RMDN2: variants seen among roughly 807,000 people sequenced by gnomAD.
The protein encoded by RMDN2 is regulator of microtubule dynamics 2, also known as regulator of microtubule dynamics protein 2.
In RMDN2, 61 loss-of-function variants were observed where a neutral mutation model predicts 52.8. The observed-to-expected ratio is 1.16, with a 90% CI of 0.94 to 1.43. The LOEUF (loss-of-function observed/expected upper bound fraction) is 1.43, where lower values mean the gene tolerates loss of function less well. Ranked by LOEUF, RMDN2 falls within the 40% of genes most tolerant of loss-of-function variation. The probability of loss-of-function intolerance (pLI) is 0.00; values close to 1 mark genes in which losing one functional copy is unlikely to be tolerated. For missense variants in RMDN2, 592 were observed against 475.3 expected (o/e 1.25, Z -2.28); for synonymous variants, 180 against 153.1 (o/e 1.18, Z -1.30).
intron 2 of RMDN2, among the ~76,000 whole-genome samples, chr2:37,949,413 C>T (rs1449840452): frequency 6.6e-6 from 1 of 152,110 alleles, no homozygotes; most frequent in Non-Finnish European, 1.5e-5. Flanking sequence ...GTCCTTGGGC[C>T]CTCTGCATTG....
At chr2:37,941,316 C>T (rs757716176) in intron 2 of RMDN2, among the ~76,000 whole-genome samples, 5 of 152,150 alleles carry the variant, frequency 3.3e-5, no homozygotes, top group African/African-American at 7.2e-5. Context: ...CTCTCCTGTG[C>T]GAGATGTCTG....
intron 2 of RMDN2, among the ~76,000 whole-genome samples, chr2:37,954,468 T>C (rs1440526766): frequency 2.0e-5 from 3 of 152,078 alleles, no homozygotes; most frequent in Admixed American, 1.3e-4. Context: ...CCTTTCTCCA[T>C]TGAATGGTCT....
At chr2:37,942,946 A>T (rs1417252615) in intron 2 of RMDN2, among the ~76,000 whole-genome samples, 1 of 152,240 alleles carries the variant, frequency 6.6e-6, no homozygotes, top group Admixed American at 6.5e-5. Flanking sequence ...ACGGCCAAGA[A>T]AAAAGCAATA....
intron 10 of RMDN2, among the ~76,000 whole-genome samples, chr2:38,016,701 T>C (rs1573118155): frequency 6.6e-6 from 1 of 152,152 alleles, no homozygotes; most frequent in Non-Finnish European, 1.5e-5. Flanking sequence ...TGCCATCTTT[T>C]AGATACCAGA....
intron 10 of RMDN2, among the ~76,000 whole-genome samples, chr2:38,041,748 A>T (rs974661917): frequency 2.6e-5 from 4 of 152,154 alleles, no homozygotes; most frequent in African/African-American, 9.7e-5. Flanking sequence ...GATAGATCAT[A>T]TTAATTAATT....
chr2:37,989,324 A>G (rs563045433), intron 5 of RMDN2, among the ~76,000 whole-genome samples: 173 of 152,268 alleles, frequency 1.1e-3, no homozygotes, highest in Non-Finnish European at 2.0e-3. Context: ...CTCACAGTAT[A>G]CATGTAAATA....
intron 2 of RMDN2, among the ~76,000 whole-genome samples, chr2:37,972,473 T>C (rs1671932701): frequency 6.6e-6 from 1 of 152,156 alleles, no homozygotes; most frequent in Non-Finnish European, 1.5e-5. Context: ...AGGAAAGTGA[T>C]AGAAGATAAG....
intron 2 of RMDN2, among the ~76,000 whole-genome samples, chr2:37,941,251 G>C (rs1459797926): frequency 7.2e-6 from 1 of 139,432 alleles, no homozygotes; most frequent in Non-Finnish European, 1.5e-5. Flanking sequence ...ATTGCTGGCT[G>C]CTCCTTCCTC....
chr2:37,925,557 T>G (rs961507893), intron 1 of RMDN2, 132 bp downstream of exon 1: 3 of 152,284 alleles, frequency 2.0e-5, no homozygotes, highest in African/African-American at 7.2e-5. Context: ...CTGGCGAAGC[T>G]TGAGCCTGCT....
In RMDN2 at chr2:38,011,237, A is replaced by G. The variant is rs79357957; in HGVS notation, c.1180-5949A>G. Among the ~76,000 whole-genome samples the G allele has an allele frequency of 1.7e-4, 26 of 152,324 alleles. No individual in the cohort carries two copies. In the East Asian group the frequency reaches 4.8e-3, roughly 28 times the overall value. The stretch of plus-strand genomic sequence containing the variant: ...AATAACATGTTCTTGGTTTTTGGAC[A>G]CTGGCCATTAATGAAAAATAAACTA... On this transcript the variant is annotated intron_variant, in intron 10 of 10. Transcript: ENST00000354545.
chr2:37,961,604 A>G (rs11677086), intron 2 of RMDN2, among the ~76,000 whole-genome samples: 125,136 of 151,738 alleles, frequency 0.82, 51,804 homozygotes, highest in Middle Eastern at 0.92. Flanking sequence ...CTTTTATCAA[A>G]GTTCTTAGCT....
chr2:38,022,807 G>A (rs1679491177), intron 10 of RMDN2, among the ~76,000 whole-genome samples: 1 of 152,234 alleles, frequency 6.6e-6, no homozygotes, highest in Non-Finnish European at 1.5e-5. Flanking sequence ...TCAAAAAGCA[G>A]TGGTACAAGC....
intron 10 of RMDN2, among the ~76,000 whole-genome samples, chr2:38,043,511 A>G (rs190280947): frequency 3.3e-5 from 5 of 152,268 alleles, no homozygotes; most frequent in African/African-American, 4.8e-5. Context: ...TATTGGATAA[A>G]TATCCACCTT....
chr2:37,952,572 TC>T (rs371452251), intron 2 of RMDN2: 1 of 328,516 alleles, frequency 3.0e-6, no homozygotes, highest in Non-Finnish European at 5.5e-6. Context: ...GAGTTTAGTA[TC>T]CCCTTTTATC....
intron 10 of RMDN2, among the ~76,000 whole-genome samples, chr2:38,024,171 T>C (rs570040076): frequency 6.6e-6 from 1 of 152,304 alleles, no homozygotes; most frequent in South Asian, 2.1e-4. Flanking sequence ...TACCATAGTT[T>C]GCTTCTCCAC....
chr2:37,945,868 A>G (rs1668175832), intron 2 of RMDN2, among the ~76,000 whole-genome samples: 3 of 152,156 alleles, frequency 2.0e-5, no homozygotes. Flanking sequence ...CCCACTTAAG[A>G]AAGTACACGG....
chr2:37,988,770 A>G (rs1674376063), intron 5 of RMDN2, among the ~76,000 whole-genome samples: 1 of 152,216 alleles, frequency 6.6e-6, no homozygotes, highest in African/African-American at 2.4e-5. Flanking sequence ...AGATTTTTGT[A>G]CAGGTAGAAA....
chr2:37,957,561 T>C (rs1333132828), intron 2 of RMDN2, among the ~76,000 whole-genome samples: 1 of 152,230 alleles, frequency 6.6e-6, no homozygotes, highest in Non-Finnish European at 1.5e-5. Context: ...GTCAGATGGA[T>C]AGATTGCAGA....
At chr2:37,928,154 G>A (rs188051841) in intron 1 of RMDN2, among the ~76,000 whole-genome samples, 28 of 152,262 alleles carry the variant, frequency 1.8e-4, no homozygotes, top group Admixed American at 7.2e-4. Context: ...TGACACTTAG[G>A]CCTGTAATGA....
Sources: allele counts gnomAD v4.1 joint callset (sites outside exome capture counted in the v4.1 genomes callset), GRCh38; gene constraint gnomAD v4.1.1; transcripts MANE v1.5; gene names NCBI Gene and HGNC (gene_info 2026-07-23, HGNC 2026-07-21).